Variants in COL6A5 observed in about 807,000 individuals in gnomAD.
COL6A5 encodes the protein collagen alpha-5(VI) chain.
Under a neutral mutation model 65.6 loss-of-function variants are expected in COL6A5, and 48 were observed. The ratio of observed to expected loss-of-function variants is 0.73; its 90% CI spans 0.58 to 0.93. The LOEUF is 0.93. Among genes scored for constraint, COL6A5 ranks in the 40% least tolerant of loss-of-function variants. The pLI, the probability that COL6A5 is intolerant of heterozygous loss-of-function variation, is 0.00. For missense variants in COL6A5, 914 were observed against 928.3 expected (o/e 0.98, Z 0.20); for synonymous variants, 291 against 322.8 (o/e 0.90, Z 1.05).
chr3:130,439,635 T>C lies in COL6A5; in HGVS notation c.581+20T>C, dbSNP rs573958520. On this transcript the variant is annotated intron_variant, in intron 2 of 7. Coordinates refer to ENST00000512836, the Ensembl canonical transcript of COL6A5. ...GCTATGGTAAGACCAATGAAGAGAA[T>C]TGACTGTGCTGAAGAGCTTAAATGC... The C allele has an allele frequency of 9.9e-6, 15 of 1,516,108 alleles. No homozygotes were observed. The highest frequency in any genetic ancestry group is 2.8e-5 in the African/African-American group (2 of 72,450). The allele number at this position is 1,516,108 out of a possible 1,614,324, so 93.9% of individuals were successfully genotyped here. A position where few individuals can be genotyped will look rare whatever the true frequency, so the allele number is the denominator to read the frequency against.
intron 25 of COL6A5, 55 bp from the exon 26 acceptor site, chr3:130,421,098 A>G (rs1937508704): frequency 7.4e-6 from 11 of 1,487,186 alleles, no homozygotes; most frequent in Non-Finnish European, 1.0e-5. Flanking sequence ...CCCAGTATAG[A>G]TTAAAATTAA....
intron 7 of COL6A5, among the ~76,000 whole-genome samples, chr3:130,472,345 A>C (rs1020717101): frequency 6.6e-6 from 1 of 152,012 alleles, no homozygotes; most frequent in African/African-American, 2.4e-5. Flanking sequence ...GTAGGCCTTT[A>C]GCTGAGCCTC....
At chr3:130,469,428 C>T (rs1384528725) in exon 6 of COL6A5, 4 of 1,612,774 alleles carry the variant, frequency 2.5e-6, no homozygotes, top group East Asian at 4.5e-5. Flanking sequence ...ACCCACAAGC[C>T]AGATTGGAAC....
intron 1 of COL6A5, among the ~76,000 whole-genome samples, chr3:130,352,608 A>T (rs1374667809): frequency 6.6e-6 from 1 of 152,202 alleles, no homozygotes. Flanking sequence ...GCTCAGAATG[A>T]TAAACAGTTG....
chr3:130,399,761 AT>A (rs1936752386), intron 10 of COL6A5, among the ~76,000 whole-genome samples: 3 of 151,304 alleles, frequency 2.0e-5, no homozygotes, highest in African/African-American at 7.3e-5. Context: ...ATATATATAT[AT>A]ACTTTTTTAG....
intron 7 of COL6A5, among the ~76,000 whole-genome samples, chr3:130,475,878 G>A (rs779304223): frequency 1.3e-5 from 2 of 152,062 alleles, no homozygotes; most frequent in Non-Finnish European, 2.9e-5. Context: ...TGGGAGACAG[G>A]AATTAATATC....
At chr3:130,416,612 T>C (rs6439233) in intron 23 of COL6A5, 145 bp from the exon 24 acceptor site, 537,408 of 637,714 alleles carry the variant, frequency 0.84, 232,033 homozygotes, top group Non-Finnish European at 0.91. Context: ...TGCCATCTGC[T>C]TCTCTCCTCC....
chr3:130,460,666 GGTA>G (rs1344062848), intron 5 of COL6A5, among the ~76,000 whole-genome samples: 1 of 152,002 alleles, frequency 6.6e-6, no homozygotes, highest in African/African-American at 2.4e-5. Context: ...TGCTGGTCAT[GGTA>G]GTAGTGAAGA....
At chr3:130,345,761 C>T (rs563329131) in exon 1 of COL6A5, 1 of 398,776 alleles carries the variant, frequency 2.5e-6, no homozygotes, top group Non-Finnish European at 4.4e-6. Context: ...AAGACCCTCT[C>T]AGGGCACGAG....
chr3:130,356,637 A>G (rs536578079), intron 1 of COL6A5, among the ~76,000 whole-genome samples: 28 of 152,212 alleles, frequency 1.8e-4, no homozygotes, highest in Non-Finnish European at 2.6e-4. Flanking sequence ...TCTAACCACA[A>G]TGCATTAAAA....
intron 5 of COL6A5, among the ~76,000 whole-genome samples, chr3:130,458,081 T>A (rs1709617775): frequency 1.3e-5 from 2 of 152,106 alleles, no homozygotes; most frequent in African/African-American, 4.8e-5. Flanking sequence ...TGTATCACCC[T>A]CTTTCAAAAG....
chr3:130,461,206 T>C (rs1709694478), intron 5 of COL6A5, among the ~76,000 whole-genome samples: 1 of 151,944 alleles, frequency 6.6e-6, no homozygotes, highest in Non-Finnish European at 1.5e-5. Context: ...TCTGTGTGTA[T>C]AAAAAATGAC....
At chr3:130,472,386 C>T (rs1033972025) in intron 7 of COL6A5, among the ~76,000 whole-genome samples, 4 of 151,916 alleles carry the variant, frequency 2.6e-5, no homozygotes, top group African/African-American at 9.7e-5. Context: ...AGGACAAGGC[C>T]ACCATGGTTC....
rs1267461045 is a variant in COL6A5 at position 130,421,322 on chromosome 3, T to C, written c.5002-3T>C. 1.9e-5 allele frequency: 29 copies of C among 1,550,784 alleles called. No homozygotes were observed. The highest frequency in any genetic ancestry group is 4.1e-5 in the African/African-American group (3 of 73,110). ...TATTTATGTTCTGTGCTGAAAATTA[T>C]AGGGCCCAAGAGGATTCCCTGGAGA... is the stretch of plus-strand genomic sequence containing the variant. On this transcript the variant is annotated splice_polypyrimidine_tract_variant and splice_region_variant and intron_variant and NMD_transcript_variant, in intron 26 of 41. Coordinates refer to the COL6A5 transcript ENST00000312481.
chr3:130,415,657 A>T, exon 23 of COL6A5: 1 of 1,548,668 alleles, frequency 6.5e-7, no homozygotes, highest in South Asian at 1.2e-5. Flanking sequence ...GTCACAGGGA[A>T]ATCCTGGCAG....
At chr3:130,385,976 T>G (rs1936171873) in intron 5 of COL6A5, among the ~76,000 whole-genome samples, 1 of 152,090 alleles carries the variant, frequency 6.6e-6, no homozygotes, top group Admixed American at 6.6e-5. Flanking sequence ...ACTTGCATTT[T>G]TGTTCTAATT....
At chr3:130,442,091 G>C (rs1448232594) in intron 3 of COL6A5, among the ~76,000 whole-genome samples, 1 of 152,006 alleles carries the variant, frequency 6.6e-6, no homozygotes, top group Non-Finnish European at 1.5e-5. Flanking sequence ...TTGCCCTCTT[G>C]GGAACACTGT....
intron 1 of COL6A5, among the ~76,000 whole-genome samples, chr3:130,437,818 T>A (rs1166359488): frequency 6.6e-6 from 1 of 152,124 alleles, no homozygotes; most frequent in African/African-American, 2.4e-5. Flanking sequence ...AAATGTCATG[T>A]TATCAGTGGG....
intron 4 of COL6A5, among the ~76,000 whole-genome samples, chr3:130,448,146 A>G (rs1709349319): frequency 6.6e-6 from 1 of 152,170 alleles, no homozygotes; most frequent in Admixed American, 6.5e-5. Flanking sequence ...ATAAACACAC[A>G]AAGTTTTTAA....
Sources: allele counts gnomAD v4.1 joint callset (sites outside exome capture counted in the v4.1 genomes callset), GRCh38; gene constraint gnomAD v4.1.1; transcripts MANE v1.5; gene names NCBI Gene and HGNC (gene_info 2026-07-23, HGNC 2026-07-21).